PAICS: variants seen among roughly 807,000 people sequenced by gnomAD.
PAICS encodes the protein phosphoribosylaminoimidazole carboxylase and phosphoribosylaminoimidazolesuccinocarboxamide synthase, also known as bifunctional phosphoribosylaminoimidazole carboxylase/phosphoribosylaminoimidazole succinocarboxamide synthetase.
Under a neutral mutation model 53.7 loss-of-function variants are expected in PAICS, and 33 were observed. That is an observed-to-expected ratio of 0.61 (90% CI 0.47 to 0.82). PAICS has a LOEUF of 0.82. Ranked by LOEUF, PAICS falls within the 40% of genes least tolerant of loss-of-function variation. PAICS has a pLI of 0.00. For synonymous variants in PAICS, 141 were observed against 167.2 expected (o/e 0.84, Z 1.21); for missense variants, 394 against 494.1 (o/e 0.80, Z 1.92).
At chr4:56,437,615 G>A (rs923452485) in intron 1 of PAICS, among the ~76,000 whole-genome samples, 3 of 151,840 alleles carry the variant, frequency 2.0e-5, no homozygotes, top group Admixed American at 1.3e-4. Flanking sequence ...GAGGTCAGGA[G>A]ATCGAGATCA....
At chr4:56,414,575 C>T in the PAICS span, among the ~76,000 whole-genome samples, 1 of 152,164 alleles carries the variant, frequency 6.6e-6, no homozygotes, top group African/African-American at 2.4e-5. Flanking sequence ...TCTCCAGAGC[C>T]TCTGCCTACA....
intron 1 of PAICS, among the ~76,000 whole-genome samples, chr4:56,439,833 C>T (rs1318816724): frequency 6.6e-6 from 1 of 152,080 alleles, no homozygotes; most frequent in African/African-American, 2.4e-5. Context: ...CCCTGTTGCC[C>T]AGGCTGGTCT....
At chr4:56,422,796 TGAAAGGTG>T in the PAICS span, 3 of 152,142 alleles carry the variant, frequency 2.0e-5, no homozygotes, top group Non-Finnish European at 4.4e-5. Flanking sequence ...AACACATAAA[TGAAAGGTG>T]GAAATAATTA....
intron 1 of PAICS, among the ~76,000 whole-genome samples, chr4:56,437,819 CAAAAAAA>C (rs869109998): frequency 3.9e-3 from 85 of 21,598 alleles, no homozygotes; most frequent in Non-Finnish European, 5.2e-3. Context: ...GACTCTGTCT[CAAAAAAA>C]AAAAAAAAAA....
chr4:56,420,844 C>T, the PAICS span: 2 of 152,178 alleles, frequency 1.3e-5, no homozygotes, highest in Admixed American at 6.5e-5. Context: ...ACAGTACATA[C>T]ACACTAAGAC....
chr4:56,425,969 C>T, the PAICS span, among the ~76,000 whole-genome samples: 1 of 152,152 alleles, frequency 6.6e-6, no homozygotes, highest in Admixed American at 6.5e-5. Flanking sequence ...ATTCTCAAAC[C>T]TCAGCAACTT....
chr4:56,420,033 G>A, the PAICS span: 1 of 981,196 alleles, frequency 1.0e-6, no homozygotes, highest in African/African-American at 1.7e-5. Context: ...CGTAAAAATG[G>A]GAGAGGACCA....
At chr4:56,446,668 T>C in intron 2 of PAICS, 27 bp from the exon 3 acceptor site, 1 of 1,466,388 alleles carries the variant, frequency 6.8e-7, no homozygotes, top group Non-Finnish European at 9.3e-7. Flanking sequence ...TTCAATACCT[T>C]TTTTAACTTT....
At chr4:56,410,792 G>C in the PAICS span, 3 of 984,542 alleles carry the variant, frequency 3.0e-6, no homozygotes, top group East Asian at 1.2e-4. Flanking sequence ...CCATGATTTG[G>C]ATGTAATCCT....
chr4:56,421,043 C>T, the PAICS span: 1 of 152,180 alleles, frequency 6.6e-6, no homozygotes, highest in African/African-American at 2.4e-5. Context: ...GTGGGCGAGC[C>T]AAGCTTCATC....
chr4:56,423,821 G>A, the PAICS span, among the ~76,000 whole-genome samples: 2 of 152,104 alleles, frequency 1.3e-5, no homozygotes, highest in South Asian at 4.1e-4. Context: ...AAGGATCTCA[G>A]CAGCTAAATA....
the PAICS span, among the ~76,000 whole-genome samples, chr4:56,424,892 C>T: frequency 6.6e-6 from 1 of 152,082 alleles, no homozygotes; most frequent in African/African-American, 2.4e-5. Flanking sequence ...CACAGTTAAA[C>T]CTATTTTAGG....
the PAICS span, chr4:56,419,773 A>G: frequency 2.0e-6 from 2 of 985,082 alleles, no homozygotes; most frequent in Non-Finnish European, 2.4e-6. Context: ...ACAGTGAGAA[A>G]TAAGAGGATA....
At position 56,453,679 on chromosome 4, in the gene PAICS, T is replaced by G; in HGVS notation, c.1029T>G (p.Thr343=). ...TGGGACCAGTGATGTCTGGGAACAC[T>G]GCATATCCAGTTATCAGCTGTCCTC... ...NGLGPVMSGN[T]AYPVISCPPL... is the part of the protein sequence containing the mutation. Residue 343 remains threonine (T), a synonymous_variant, in exon 8 of 9, where the codon ACT becomes ACG. Transcript: ENST00000512576. 1 of 1,566,142 alleles carries G rather than the reference T, an allele frequency of 6.4e-7. No individual in the cohort carries two copies. Among genetic ancestry groups the G allele is most frequent in the Non-Finnish European group, 8.7e-7 (1 of 1,153,800 alleles).
chr4:56,410,835 A>G, the PAICS span: 2 of 983,278 alleles, frequency 2.0e-6, no homozygotes, highest in Non-Finnish European at 2.4e-6. Context: ...TTTACAGAGG[A>G]AGATGCAAAT....
At chr4:56,413,598 A>C in the PAICS span, among the ~76,000 whole-genome samples, 4 of 152,174 alleles carry the variant, frequency 2.6e-5, no homozygotes, top group Non-Finnish European at 5.9e-5. Flanking sequence ...AAATTTGATA[A>C]GTAAATAATG....
At chr4:56,441,602 T>G (rs1019118111) in intron 1 of PAICS, 61 bp from the exon 2 acceptor site, 7 of 674,194 alleles carry the variant, frequency 1.0e-5, no homozygotes, top group Non-Finnish European at 1.7e-5. Context: ...TTCTAGGTGA[T>G]TTAGTCTTCA....
chr4:56,417,851 T>G, the PAICS span, among the ~76,000 whole-genome samples: 28,007 of 150,342 alleles, frequency 0.19, 3,018 homozygotes, highest in Admixed American at 0.32. Context: ...TGTTTTTTTT[T>G]TTTTTTTTGA....
upstream of PAICS, chr4:56,435,390 G>T: frequency 6.2e-7 from 1 of 1,613,840 alleles, no homozygotes; most frequent in Non-Finnish European, 8.5e-7. Context: ...ATCACATGCG[G>T]TACATCCAGC....
Sources: gnomAD v4.1 joint callset for allele counts (sites outside exome capture counted in the v4.1 genomes callset) on GRCh38, gnomAD v4.1.1 for gene constraint, MANE v1.5 for transcripts, NCBI Gene and HGNC (gene_info 2026-07-23, HGNC 2026-07-21) for gene names.